The following TMEM132D variants were observed in gnomAD, a reference collection of about 807,000 sequenced individuals.
The protein encoded by TMEM132D is mature OL transmembrane protein.
TMEM132D carries 21 observed loss-of-function variants against 62.3 expected under a neutral mutation model. That is an observed-to-expected ratio of 0.34 (90% CI 0.24 to 0.49). The LOEUF (loss-of-function observed/expected upper bound fraction) is 0.49. Ranked by LOEUF, TMEM132D falls within the 20% of genes least tolerant of loss-of-function variation. The pLI is 0.99. For synonymous variants in TMEM132D, 621 were observed against 575.6 expected, an observed-to-expected ratio of 1.08 and a Z score of -1.13; for missense variants, 1,346 against 1,402.8, an observed-to-expected ratio of 0.96 and a Z score of 0.65.
In TMEM132D at chr12:129,779,037, T is replaced by C. The variant is rs1871035343; in HGVS notation, c.80-78339A>G. ...AGCACTCCTGGGCTAGAATTGTGCC[T>C]CCATGGCTGAGAGGGAGCCTGACCC... is the stretch of plus-strand genomic sequence containing the variant. On this transcript the variant is annotated intron_variant, in intron 1 of 8. Transcript: ENST00000422113. The surrounding 1 kb of genome is among the most constrained non-coding windows in gnomAD (Gnocchi z 4.1). 6.6e-6 allele frequency among the ~76,000 whole-genome samples: 1 copy of C among 152,194 alleles called. No individual in the cohort carries two copies. Among genetic ancestry groups the C allele is most frequent in the South Asian group, 2.1e-4 (1 of 4,832 alleles).
At chr12:129,883,241 G>C (rs754538167) in intron 1 of TMEM132D, among the ~76,000 whole-genome samples, 33 of 152,048 alleles carry the variant, frequency 2.2e-4, no homozygotes, top group Non-Finnish European at 3.8e-4. Context: ...TTGCAATAAA[G>C]AATTATAAAT....
At chr12:129,548,096 T>C (rs977436527) in intron 2 of TMEM132D, among the ~76,000 whole-genome samples, 9 of 152,326 alleles carry the variant, frequency 5.9e-5, no homozygotes, top group Non-Finnish European at 8.8e-5. Flanking sequence ...CTGGCTTCAA[T>C]AAACCCTGCA....
At chr12:129,800,205 G>A (rs1294846194) in intron 1 of TMEM132D, among the ~76,000 whole-genome samples, 6 of 152,080 alleles carry the variant, frequency 3.9e-5, no homozygotes, top group Non-Finnish European at 7.4e-5. Context: ...GATTTAAGTA[G>A]GGCACAAATC....
Position 129,477,592 on chromosome 12 carries a change from G to A in TMEM132D, c.1115+53467C>T, listed in dbSNP as rs146818612. Among the ~76,000 whole-genome samples, 1,188 of 152,160 alleles carry A rather than the reference G, an allele frequency of 7.8e-3. 6 individuals are homozygous for A. Among genetic ancestry groups the A allele is most frequent in the South Asian group, 0.016 (75 of 4,818 alleles). ...TCCCAGCACTTTGGGAGGCCGAGGC[G>A]GGTGGATCACCAGGTCAGGAGATCG... On this transcript the variant is annotated intron_variant, in intron 3 of 8. Coordinates refer to ENST00000422113, the MANE Select transcript of TMEM132D (RefSeq NM_133448.3).
intron 2 of TMEM132D, among the ~76,000 whole-genome samples, chr12:129,538,128 G>A (rs1876456190): frequency 6.6e-6 from 1 of 152,150 alleles, no homozygotes; most frequent in Non-Finnish European, 1.5e-5. Flanking sequence ...AAATGAGGAA[G>A]TTAAATATCT....
chr12:129,476,313 C>T (rs1354378528), intron 3 of TMEM132D, among the ~76,000 whole-genome samples: 1 of 152,208 alleles, frequency 6.6e-6, no homozygotes, highest in Non-Finnish European at 1.5e-5. Context: ...AGAAGTATTG[C>T]TGTCAGGGAT....
intron 1 of TMEM132D, among the ~76,000 whole-genome samples, chr12:129,815,532 C>T (rs558034607): frequency 2.6e-5 from 4 of 152,146 alleles, no homozygotes; most frequent in African/African-American, 4.8e-5. Flanking sequence ...TGCAGGGGCC[C>T]GACTGCATTT....
Position 129,632,803 on chromosome 12 carries a change from C to T in TMEM132D, c.968+67007G>A, listed in dbSNP as rs540642201. Among the ~76,000 whole-genome samples, 8 of 152,352 alleles carry T rather than the reference C, an allele frequency of 5.3e-5. No homozygotes were observed. In the South Asian group the frequency reaches 1.7e-3, roughly 32 times the overall value. On this transcript the variant is annotated intron_variant, in intron 2 of 8. Transcript: ENST00000422113. ...TCCTGCAGTATGGACCCCAAGCTGC[C>T]TTATTAATACCTGAAGTCACTAACT...
At chr12:129,255,537 GAAT>G (rs1263782074) in intron 4 of TMEM132D, among the ~76,000 whole-genome samples, 1 of 152,150 alleles carries the variant, frequency 6.6e-6, no homozygotes, top group East Asian at 1.9e-4. Context: ...AATTTCAGAT[GAAT>G]AATAAATAAT....
intron 5 of TMEM132D, among the ~76,000 whole-genome samples, chr12:129,086,161 T>C (rs1487378283): frequency 6.6e-6 from 1 of 151,820 alleles, no homozygotes; most frequent in Non-Finnish European, 1.5e-5. Flanking sequence ...TAATTACAAG[T>C]TAGCTCACAT....
At chr12:129,388,396 A>C (rs866126342) in intron 3 of TMEM132D, among the ~76,000 whole-genome samples, 15 of 109,062 alleles carry the variant, frequency 1.4e-4, no homozygotes, top group Middle Eastern at 5.2e-3. Flanking sequence ...CACTAACACG[A>C]ATCCTAATAT....
intron 2 of TMEM132D, among the ~76,000 whole-genome samples, chr12:129,620,401 C>T (rs751142657): frequency 6.6e-6 from 1 of 152,182 alleles, no homozygotes; most frequent in African/African-American, 2.4e-5. Context: ...GAGTTCGAGG[C>T]CAGCCTGGAC....
At chr12:129,478,687 T>G (rs1874343172) in intron 3 of TMEM132D, among the ~76,000 whole-genome samples, 1 of 152,194 alleles carries the variant, frequency 6.6e-6, no homozygotes, top group Admixed American at 6.5e-5. Context: ...CTAGGTATGT[T>G]GCTGTGTTCA....
At chr12:129,589,146 C>T (rs2137133223) in intron 2 of TMEM132D, among the ~76,000 whole-genome samples, 1 of 152,148 alleles carries the variant, frequency 6.6e-6, no homozygotes, top group East Asian at 1.9e-4. Flanking sequence ...CCATAATTCC[C>T]ACATGTTGTA....
At chr12:129,717,880 G>A (rs932516345) in intron 1 of TMEM132D, among the ~76,000 whole-genome samples, 10 of 152,248 alleles carry the variant, frequency 6.6e-5, no homozygotes, top group African/African-American at 1.2e-4. Context: ...TCTCAAGTGC[G>A]CTCGTGCTGG....
intron 5 of TMEM132D, among the ~76,000 whole-genome samples, chr12:129,171,276 G>A (rs1259551762): frequency 6.6e-6 from 1 of 152,140 alleles, no homozygotes; most frequent in African/African-American, 2.4e-5. Flanking sequence ...TGAGATTGTG[G>A]CCATTCAGCC....
At chr12:129,815,483 G>A (rs980834761) in intron 1 of TMEM132D, among the ~76,000 whole-genome samples, 1 of 152,180 alleles carries the variant, frequency 6.6e-6, no homozygotes, top group Non-Finnish European at 1.5e-5. Context: ...CTATTCTGGG[G>A]GGGTGACTGT....
chr12:129,086,269 G>C (rs1874619211), intron 5 of TMEM132D, among the ~76,000 whole-genome samples: 1 of 151,718 alleles, frequency 6.6e-6, no homozygotes, highest in Non-Finnish European at 1.5e-5. Context: ...TATATATTTA[G>C]GGCGTCCACA....
intron 4 of TMEM132D, among the ~76,000 whole-genome samples, chr12:129,264,889 A>T (rs892234842): frequency 6.6e-6 from 1 of 152,188 alleles, no homozygotes; most frequent in African/African-American, 2.4e-5. Flanking sequence ...CATAAGAATG[A>T]TACAATGGAC....
Sources: allele counts gnomAD v4.1 joint callset (sites outside exome capture counted in the v4.1 genomes callset), GRCh38; gene constraint gnomAD v4.1.1; non-coding constraint Gnocchi (gnomAD v3.1); transcripts MANE v1.5; gene names NCBI Gene and HGNC (gene_info 2026-07-23, HGNC 2026-07-21).